STAG1: variants seen among roughly 807,000 people sequenced by gnomAD.
STAG1 encodes the protein STAG1 cohesin complex component.
Under a neutral mutation model 170.9 loss-of-function variants are expected in STAG1, and 26 were observed. That is an observed-to-expected ratio of 0.15 (90% confidence interval 0.11 to 0.21). The LOEUF (loss-of-function observed/expected upper bound fraction) is 0.21, where lower values mean the gene tolerates loss of function less well. Among genes scored for constraint, STAG1 ranks in the 10% least tolerant of loss-of-function variants. The pLI, the probability that STAG1 is intolerant of heterozygous loss-of-function variation, is 1.00. For synonymous variants in STAG1, 514 were observed against 497.7 expected, an observed-to-expected ratio of 1.03 and a Z score of -0.44; for missense variants, 964 against 1,509.5, an observed-to-expected ratio of 0.64 and a Z score of 5.99.
intron 32 of STAG1, 85 bp from the exon 33 acceptor site, chr3:136,338,535 A>T: frequency 1.0e-6 from 1 of 971,336 alleles, no homozygotes; most frequent in Non-Finnish European, 1.6e-6. Flanking sequence ...TTCTGACAGT[A>T]TCATAAATAT....
chr3:136,423,475 T>C (rs9850584), intron 16 of STAG1, among the ~76,000 whole-genome samples: 11,256 of 152,202 alleles, frequency 0.074, 542 homozygotes, highest in South Asian at 0.12. Context: ...ACACTAATAA[T>C]ATCTCTGGAT....
At chr3:136,540,822 C>CAAAAAAAGAAAAAAAAAAAAAAAAAAA (rs1935854279) in intron 6 of STAG1, among the ~76,000 whole-genome samples, 1 of 46,276 alleles carries the variant, frequency 2.2e-5, no homozygotes, top group Non-Finnish European at 4.4e-5. Flanking sequence ...ACTGTGTCTC[C>CAAAAAAAGAAAAAAAAAAAAAAAAAAA]AAAAAAAAAA....
At chr3:136,733,634 C>A (rs1934166307) in intron 1 of STAG1, among the ~76,000 whole-genome samples, 1 of 152,198 alleles carries the variant, frequency 6.6e-6, no homozygotes, top group African/African-American at 2.4e-5. Context: ...CAATAGATTT[C>A]TTAGCCATCT....
chr3:136,557,059 C>T (rs552852670), intron 5 of STAG1, among the ~76,000 whole-genome samples: 1 of 151,754 alleles, frequency 6.6e-6, no homozygotes, highest in Admixed American at 6.6e-5. Flanking sequence ...ATGTTGAAAC[C>T]CTGACTCTGC....
At chr3:136,471,738 T>C (rs2089633005) in intron 12 of STAG1, among the ~76,000 whole-genome samples, 1 of 152,190 alleles carries the variant, frequency 6.6e-6, no homozygotes, top group Non-Finnish European at 1.5e-5. Flanking sequence ...ACAATTTAAT[T>C]GCTTTATTTT....
At chr3:136,621,792 T>C (rs901008034) in intron 3 of STAG1, among the ~76,000 whole-genome samples, 19 of 152,050 alleles carry the variant, frequency 1.2e-4, no homozygotes, top group African/African-American at 4.6e-4. Context: ...TGTAACTCAC[T>C]GTAAAAGACA....
chr3:136,504,225 A>C (rs1933641636), intron 7 of STAG1, among the ~76,000 whole-genome samples: 2 of 152,148 alleles, frequency 1.3e-5, no homozygotes, highest in South Asian at 4.1e-4. Flanking sequence ...AAGGTAAAAA[A>C]CCTGAAAAAC....
chr3:136,494,883 G>A (rs1216996821), intron 9 of STAG1, among the ~76,000 whole-genome samples: 1 of 152,080 alleles, frequency 6.6e-6, no homozygotes, highest in South Asian at 2.1e-4. Flanking sequence ...ATTGTTAAGA[G>A]GTTAATTCTC....
intron 3 of STAG1, among the ~76,000 whole-genome samples, chr3:136,605,355 G>C (rs931212579): frequency 6.6e-6 from 1 of 152,034 alleles, no homozygotes; most frequent in Non-Finnish European, 1.5e-5. Context: ...AGGATCATTT[G>C]AAAAAATTGT....
chr3:136,742,458 A>C (rs1934716962), intron 1 of STAG1, among the ~76,000 whole-genome samples: 1 of 152,196 alleles, frequency 6.6e-6, no homozygotes, highest in Non-Finnish European at 1.5e-5. Flanking sequence ...TCATGCCTAT[A>C]ATCTGAGCAC....
At chr3:136,625,490 G>A (rs923630801) in intron 2 of STAG1, among the ~76,000 whole-genome samples, 1 of 152,118 alleles carries the variant, frequency 6.6e-6, no homozygotes, top group Non-Finnish European at 1.5e-5. Flanking sequence ...ATCCAATCCT[G>A]ACTTACCTCT....
At chr3:136,655,416 C>G (rs186490137) in intron 1 of STAG1, among the ~76,000 whole-genome samples, 1 of 152,274 alleles carries the variant, frequency 6.6e-6, no homozygotes, top group Non-Finnish European at 1.5e-5. Context: ...AAATGCAAAT[C>G]AAAACCACAG....
intron 30 of STAG1, among the ~76,000 whole-genome samples, chr3:136,343,142 T>C (rs1471980537): frequency 6.6e-6 from 1 of 152,212 alleles, no homozygotes; most frequent in East Asian, 1.9e-4. Context: ...ATTCACAGCA[T>C]TACCCAACTA....
chr3:136,685,591 CAG>C (rs1942492590), intron 1 of STAG1, among the ~76,000 whole-genome samples: 1 of 152,160 alleles, frequency 6.6e-6, no homozygotes, highest in Non-Finnish European at 1.5e-5. Flanking sequence ...GGTGAATAGA[CAG>C]ATAAACTGTG....
intron 30 of STAG1, 68 bp downstream of exon 30, chr3:136,343,764 A>G: frequency 7.6e-7 from 1 of 1,311,120 alleles, no homozygotes. Context: ...GAACAAATAA[A>G]GTTTTTCTTA....
At chr3:136,693,978 T>C (rs1455141333) in intron 1 of STAG1, among the ~76,000 whole-genome samples, 2 of 152,194 alleles carry the variant, frequency 1.3e-5, no homozygotes, top group Non-Finnish European at 2.9e-5. Flanking sequence ...TGAGAAATTC[T>C]ATGTTAGCTC....
intron 7 of STAG1, among the ~76,000 whole-genome samples, chr3:136,507,541 T>A (rs7648591): frequency 0.37 from 55,979 of 151,210 alleles, 11,332 homozygotes; most frequent in African/African-American, 0.54. Context: ...AAAAAAAAAA[T>A]TTTTTTGTAG....
chr3:136,367,726 C>T (rs1425634055), intron 24 of STAG1, among the ~76,000 whole-genome samples: 1 of 151,954 alleles, frequency 6.6e-6, no homozygotes, highest in Admixed American at 6.6e-5. Flanking sequence ...AGTGCTCATC[C>T]TAAACATGGT....
chr3:136,690,056 C>CAAAAAAAAAAAAAAACAAAAA (rs1942668998), intron 1 of STAG1, among the ~76,000 whole-genome samples: 1 of 56,406 alleles, frequency 1.8e-5, no homozygotes, highest in Non-Finnish European at 3.2e-5. Context: ...AAAAGCAAAC[C>CAAAAAAAAAAAAAAACAAAAA]AAAAAAAAAA....
Sources: gnomAD v4.1 joint callset for allele counts (sites outside exome capture counted in the v4.1 genomes callset) on GRCh38, gnomAD v4.1.1 for gene constraint, MANE v1.5 for transcripts, NCBI Gene and HGNC (gene_info 2026-07-23, HGNC 2026-07-21) for gene names.